The following DHRSX variants were observed in gnomAD, a reference collection of about 807,000 sequenced individuals.
The protein encoded by DHRSX is polyprenol dehydrogenase.
Under a neutral mutation model 34.0 loss-of-function variants are expected in DHRSX, and 31 were observed. The ratio of observed to expected loss-of-function variants is 0.91; its 90% CI spans 0.69 to 1.23. DHRSX has a LOEUF of 1.23. DHRSX is among the 50% of genes most tolerant of loss of function. DHRSX has a pLI of 0.00. For missense variants in DHRSX, 414 were observed against 428.1 expected (o/e 0.97, Z 0.29); for synonymous variants, 201 against 183.8 (o/e 1.09, Z -0.76).
At chrX:2,487,509 C>G (rs1448708476) in intron 1 of DHRSX, 5 of 152,230 alleles carry the variant, frequency 3.3e-5, no homozygotes, top group Non-Finnish European at 7.3e-5. Flanking sequence ...GGATTACAGG[C>G]GGGTGCCACC....
intron 6 of DHRSX, among the ~76,000 whole-genome samples, chrX:2,234,252 A>G (rs1319452506): frequency 1.4e-5 from 2 of 147,444 alleles, no homozygotes; most frequent in Non-Finnish European, 3.0e-5. Flanking sequence ...GCATCCATGC[A>G]CACAGCCCTG....
At chrX:2,375,588 G>A (rs190028870) in intron 3 of DHRSX, among the ~76,000 whole-genome samples, 33 of 136,252 alleles carry the variant, frequency 2.4e-4, no homozygotes, top group African/African-American at 6.2e-4. Context: ...GCAAGAGAAC[G>A]GCTCGATGGG....
At chrX:2,472,021 T>C (rs1274891753) in intron 1 of DHRSX, among the ~76,000 whole-genome samples, 1 of 151,726 alleles carries the variant, frequency 6.6e-6, no homozygotes. Flanking sequence ...GGCATGTGTC[T>C]GTAATCTCAG....
chrX:2,350,471 C>G (rs1386674883), intron 3 of DHRSX, among the ~76,000 whole-genome samples: 1 of 152,096 alleles, frequency 6.6e-6, no homozygotes, highest in Non-Finnish European at 1.5e-5. Context: ...GTGAAATACA[C>G]CAGACACAGA....
intron 3 of DHRSX, among the ~76,000 whole-genome samples, chrX:2,298,815 G>A (rs1189069321): frequency 1.8e-4 from 27 of 151,840 alleles, no homozygotes; most frequent in African/African-American, 3.9e-4. Flanking sequence ...GAGAAACCCC[G>A]TCTCTACTAA....
chrX:2,317,256 C>CTTT (rs779722860), intron 3 of DHRSX, among the ~76,000 whole-genome samples: 17,786 of 87,380 alleles, frequency 0.2, 3,048 homozygotes, highest in Middle Eastern at 0.37. Context: ...CCGCGCCTGG[C>CTTT]TTTTTTTTTT....
intron 2 of DHRSX, 86 bp downstream of exon 2, chrX:2,425,111 G>A: frequency 9.6e-7 from 1 of 1,038,044 alleles, no homozygotes. Flanking sequence ...CTGCAGTCCA[G>A]CACGGGTTGA....
intron 5 of DHRSX, among the ~76,000 whole-genome samples, chrX:2,258,965 TG>T (rs1303307645): frequency 1.3e-5 from 2 of 151,972 alleles, no homozygotes; most frequent in African/African-American, 4.8e-5. Flanking sequence ...TAAGTTGAAT[TG>T]TAAGTCTCGA....
intron 6 of DHRSX, among the ~76,000 whole-genome samples, chrX:2,232,892 G>A (rs773654533): frequency 6.6e-6 from 1 of 151,976 alleles, no homozygotes; most frequent in South Asian, 2.1e-4. Flanking sequence ...CATTTCTAAC[G>A]AGCTCCCAGA....
rs145940733 is a variant in DHRSX at position 2,306,650 on chromosome X, G to C, written c.287-15047C>G. Among the ~76,000 whole-genome samples the C allele has an allele frequency of 4.6e-5, 7 of 151,962 alleles. No individual in the cohort carries two copies. The East Asian group carries it at 9.7e-4, about 21-fold the overall frequency. ...GTATTTGTAGTAGAGACAAGGTTTCGATGATCAGTCATCTTTTTGACGCAC... is the reference window on the plus strand; with the variant it reads ...GTATTTGTAGTAGAGACAAGGTTTCCATGATCAGTCATCTTTTTGACGCAC... On this transcript the variant is annotated intron_variant, in intron 3 of 6. Coordinates refer to ENST00000334651, the MANE Select transcript of DHRSX (RefSeq NM_145177.3).
chrX:2,307,989 C>G (rs1256046312), intron 3 of DHRSX, among the ~76,000 whole-genome samples: 3 of 151,824 alleles, frequency 2.0e-5, no homozygotes, highest in Non-Finnish European at 1.5e-5. Flanking sequence ...ACCAGGGAAC[C>G]GAACACAGGA....
chrX:2,275,341 T>C (rs1299831026), intron 4 of DHRSX, among the ~76,000 whole-genome samples: 2 of 24,834 alleles, frequency 8.1e-5, no homozygotes, highest in Non-Finnish European at 2.6e-4. Context: ...CTACTAAAAA[T>C]ACAAAAAAAA....
chrX:2,489,144 C>T lies in DHRSX; in HGVS notation c.109+11673G>A, dbSNP rs1213107201. 3 of 1,613,528 alleles carry T rather than the reference C, an allele frequency of 1.9e-6. No homozygotes were observed. In the African/African-American group the frequency reaches 4.0e-5, roughly 22 times the overall value. ...CGCATGAGCTTCTTGACGGGAGGCT[C>T]CTCGGGCACCGGGAAGATCTTGTCC... On this transcript the variant is annotated intron_variant, in intron 1 of 6. Coordinates refer to ENST00000334651, the MANE Select transcript of DHRSX (RefSeq NM_145177.3).
At chrX:2,356,066 CAAAA>C (rs33996876) in intron 3 of DHRSX, among the ~76,000 whole-genome samples, 2 of 112,042 alleles carry the variant, frequency 1.8e-5, no homozygotes, top group Non-Finnish European at 3.6e-5. Flanking sequence ...GACTCCGTCT[CAAAA>C]AAAAAAAAAA....
At chrX:2,490,366 G>T (rs138462497) in intron 1 of DHRSX, 1 of 1,613,532 alleles carries the variant, frequency 6.2e-7, no homozygotes. Context: ...TCTTGCTGTC[G>T]TAGCCGTGGC....
intron 2 of DHRSX, among the ~76,000 whole-genome samples, chrX:2,412,141 A>G (rs2043638720): frequency 6.6e-6 from 1 of 152,200 alleles, no homozygotes; most frequent in South Asian, 2.1e-4. Context: ...ATATGCAGAA[A>G]CACCGCACAC....
chrX:2,360,196 T>C, intron 3 of DHRSX, among the ~76,000 whole-genome samples: 2 of 151,638 alleles, frequency 1.3e-5, no homozygotes, highest in Middle Eastern at 6.8e-3. Flanking sequence ...AAAAGAAAAG[T>C]GACATAGAAG....
At chrX:2,295,358 C>A (rs1422589056) in intron 3 of DHRSX, among the ~76,000 whole-genome samples, 49 of 149,448 alleles carry the variant, frequency 3.3e-4, no homozygotes, top group African/African-American at 1.2e-3. Context: ...TCTCACTCAT[C>A]AGTGGAAGTT....
intron 1 of DHRSX, among the ~76,000 whole-genome samples, chrX:2,430,258 CAAA>C (rs5901189): frequency 6.5e-5 from 8 of 123,324 alleles, no homozygotes; most frequent in Admixed American, 8.5e-5. Flanking sequence ...GACCCCAGCT[CAAA>C]AAAAAAAAAA....
Sources: allele counts gnomAD v4.1 joint callset (sites outside exome capture counted in the v4.1 genomes callset), GRCh38; gene constraint gnomAD v4.1.1; transcripts MANE v1.5; gene names NCBI Gene and HGNC (gene_info 2026-07-23, HGNC 2026-07-21).